CRLF3: variants seen among roughly 807,000 people sequenced by gnomAD.
CRLF3 encodes the protein cytokine receptor-like factor 3.
In CRLF3, 33 loss-of-function variants were observed where a neutral mutation model predicts 55.0. The ratio of observed to expected loss-of-function variants is 0.60; its 90% CI spans 0.46 to 0.80. The LOEUF is 0.80. Ranked by LOEUF, CRLF3 falls within the 30% of genes least tolerant of loss-of-function variation. The pLI is 0.00. For missense variants in CRLF3, 494 were observed against 538.4 expected (o/e 0.92, Z 0.82); for synonymous variants, 238 against 196.8 (o/e 1.21, Z -1.75).
chr17:30,788,695 C>T (rs1033287643), intron 6 of CRLF3, among the ~76,000 whole-genome samples: 1 of 149,718 alleles, frequency 6.7e-6, no homozygotes, highest in East Asian at 2.0e-4. Context: ...GCAACCTCCG[C>T]CTCCTGGGTT....
At chr17:30,797,255 A>G (rs1442992074) in intron 3 of CRLF3, 56 bp downstream of exon 3, 1 of 1,211,342 alleles carries the variant, frequency 8.3e-7, no homozygotes, top group Non-Finnish European at 1.2e-6. Flanking sequence ...GGGAGGAAAA[A>G]AGCAGACATA....
rs1284011639 is a variant in CRLF3, at chr17:30,824,666, G to A, written c.-15C>T. On this transcript the variant is annotated 5_prime_UTR_variant, in exon 1 of 8. Transcript: ENST00000324238. ...GCCCCCCTCATCTGGCCGCGCGGCC[G>A]GCGAAACCTAGCGCGGGTTCCCGAC... 5 of 1,584,858 alleles carry A rather than the reference G, an allele frequency of 3.2e-6. No individual in the cohort carries two copies. The highest frequency in any genetic ancestry group is 4.7e-5 in the East Asian group (2 of 42,794).
chr17:30,784,583 A>G (rs1971591145), intron 7 of CRLF3, 140 bp from the exon 8 acceptor site: 1 of 709,178 alleles, frequency 1.4e-6, no homozygotes, highest in Non-Finnish European at 2.3e-6. Context: ...CATAGATTTT[A>G]GAGTTCTGTC....
intron 1 of CRLF3, among the ~76,000 whole-genome samples, chr17:30,819,077 A>G (rs1411438310): frequency 2.0e-5 from 3 of 152,304 alleles, no homozygotes; most frequent in Middle Eastern, 3.4e-3. Context: ...TCGGCCTCCC[A>G]AAGTGCTGGG....
intron 1 of CRLF3, among the ~76,000 whole-genome samples, chr17:30,811,157 A>G (rs1904604276): frequency 1.3e-5 from 2 of 152,054 alleles, no homozygotes; most frequent in Admixed American, 1.3e-4. Context: ...TAACAAGAAC[A>G]TACTGATTAA....
intron 1 of CRLF3, 62 bp from the exon 2 acceptor site, chr17:30,804,170 T>A (rs1972050574): frequency 3.4e-6 from 4 of 1,181,622 alleles, no homozygotes; most frequent in Non-Finnish European, 5.0e-6. Context: ...TCCAAAGGTA[T>A]AATTCACATG....
chr17:30,793,749 G>A (rs745762346), intron 4 of CRLF3, 77 bp from the exon 5 acceptor site: 47 of 1,037,598 alleles, frequency 4.5e-5, no homozygotes, highest in East Asian at 3.4e-4. Context: ...AATTTTGAAC[G>A]GAGCCATTTT....
intron 7 of CRLF3, 131 bp from the exon 8 acceptor site, chr17:30,784,574 A>G (rs1225085179): frequency 1.0e-5 from 8 of 767,682 alleles, no homozygotes; most frequent in Non-Finnish European, 1.5e-5. Flanking sequence ...CCAACTGGAC[A>G]TAGATTTTAG....
chr17:30,784,028 GTC>G lies in CRLF3; in HGVS notation c.*157_*158del, dbSNP rs1246164158. On this transcript the variant is annotated 3_prime_UTR_variant, in exon 8 of 8. Transcript: ENST00000324238. ...GTATGATTTTGTCCACAACATTGAA[GTC>G]TCTTTTTGCTAAAATATTACAAAAT... 3 of 627,904 alleles carry G rather than the reference GTC, an allele frequency of 4.8e-6. No individual in the cohort carries two copies. Among genetic ancestry groups the G allele is most frequent in the African/African-American group, 3.7e-5 (2 of 54,270 alleles). 38.9% of individuals were successfully genotyped at this position (627,904 alleles called of 1,614,324 possible). A position where few individuals can be genotyped will look rare whatever the true frequency, so the allele number is the denominator to read the frequency against.
At chr17:30,784,478 A>G (rs1157969454) in intron 7 of CRLF3, 35 bp from the exon 8 acceptor site, 9 of 1,559,350 alleles carry the variant, frequency 5.8e-6, no homozygotes, top group Middle Eastern at 3.5e-4. Context: ...TTTACATGTG[A>G]GCAATAACTA....
chr17:30,785,744 T>C (rs922100267), intron 7 of CRLF3, among the ~76,000 whole-genome samples, 175 bp downstream of exon 7: 1 of 150,530 alleles, frequency 6.6e-6, no homozygotes, highest in Non-Finnish European at 1.5e-5. Flanking sequence ...ATCATGCCAC[T>C]GTACTCCAGC....
Position 30,824,616 on chromosome 17 carries a change from C to G in CRLF3, c.36G>C (p.Leu12=). The change falls in exon 1 of 8, where the codon CTG becomes CTC. Residue 12 remains leucine, a synonymous_variant. Coordinates refer to ENST00000324238, the MANE Select transcript of CRLF3 (RefSeq NM_015986.4). ...CCACGTTCTCGCGGGCCTCCTGCAA[C>G]AGCAGCTCAGGCTCCAGCTCCATCG... The part of the protein sequence containing the change: ...RGAMELEPEL[L]LQEARENVEA... 1 of 1,605,554 alleles carries G rather than the reference C, an allele frequency of 6.2e-7. No homozygotes were observed. Among genetic ancestry groups the G allele is most frequent in the Non-Finnish European group, 8.5e-7 (1 of 1,179,258 alleles).
intron 1 of CRLF3, among the ~76,000 whole-genome samples, chr17:30,810,234 T>C (rs939511206): frequency 1.3e-5 from 2 of 152,334 alleles, no homozygotes; most frequent in African/African-American, 4.8e-5. Context: ...AATCTGCCAC[T>C]AAAACCTTTA....
chr17:30,786,286 C>G (rs1437848210), intron 6 of CRLF3: 3 of 301,170 alleles, frequency 1.0e-5, no homozygotes, highest in Non-Finnish European at 1.8e-5. Context: ...GTCACCCAGG[C>G]TGAAGTGCGG....
chr17:30,784,105 T>G lies in CRLF3; in HGVS notation c.*82A>C, dbSNP rs1971574982. ...GCCTAAGTTAGAGATGAATTCAACT[T>G]TTTTTTTAAAGCAATTACAACTACG... On this transcript the variant is annotated 3_prime_UTR_variant, in exon 8 of 8. Transcript: ENST00000324238. The G allele has an allele frequency of 7.7e-7, 1 of 1,306,494 alleles. No individual in the cohort carries two copies. The highest frequency in any genetic ancestry group is 1.5e-5 in the South Asian group (1 of 67,634). 80.9% of individuals were successfully genotyped at this position (1,306,494 alleles called of 1,614,324 possible). A position where few individuals can be genotyped will look rare whatever the true frequency, so the allele number is the denominator to read the frequency against.
chr17:30,785,471 A>G (rs1410377955), intron 7 of CRLF3, among the ~76,000 whole-genome samples: 1 of 151,926 alleles, frequency 6.6e-6, no homozygotes, highest in Non-Finnish European at 1.5e-5. Flanking sequence ...TAGTCACATA[A>G]ATTATGTCAT....
Position 30,795,068 on chromosome 17 carries a change from A to G in CRLF3, c.603+1092T>C, listed in dbSNP as rs144339866. ...TAAAGAAACACAAGTAAAAATACTT[A>G]TAGCAAAAAACTGGAAATAACTAGG... is the stretch of plus-strand genomic sequence containing the variant. On this transcript the variant is annotated intron_variant, in intron 4 of 7. Coordinates refer to ENST00000324238, the MANE Select transcript of CRLF3 (RefSeq NM_015986.4). Among the ~76,000 whole-genome samples, 440 of 152,342 alleles carry G rather than the reference A, an allele frequency of 2.9e-3. 2 individuals carry two copies. The highest frequency in any genetic ancestry group is 0.01 in the African/African-American group (416 of 41,582).
rs1971543478 is a variant in CRLF3, at chr17:30,783,318, A to T, written c.*869T>A. 6.6e-6 allele frequency: 1 copy of T among 152,188 alleles called. No homozygotes were observed. The highest frequency in any genetic ancestry group is 6.5e-5 in the Admixed American group (1 of 15,268). The allele number at this position is 152,188 out of a possible 1,614,324, so 9.4% of individuals were successfully genotyped here. A position where few individuals can be genotyped will look rare whatever the true frequency, so the allele number is the denominator to read the frequency against. ...ATTTTAGACACTTGGTCAAGCATTT[A>T]AAAAAATACAAAAATTGGTCCACTG... On this transcript the variant is annotated 3_prime_UTR_variant, in exon 8 of 8. Coordinates refer to ENST00000324238, the MANE Select transcript of CRLF3 (RefSeq NM_015986.4).
chr17:30,811,816 A>G (rs1904637165), intron 1 of CRLF3, among the ~76,000 whole-genome samples: 1 of 149,768 alleles, frequency 6.7e-6, no homozygotes, highest in Non-Finnish European at 1.5e-5. Flanking sequence ...AAAAAAAAAA[A>G]AAAAAAAAAA....
Sources: gnomAD v4.1 joint callset for allele counts (sites outside exome capture counted in the v4.1 genomes callset) on GRCh38, gnomAD v4.1.1 for gene constraint, MANE v1.5 for transcripts, NCBI Gene and HGNC (gene_info 2026-07-23, HGNC 2026-07-21) for gene names.